Variants in IGSF22 observed in about 807,000 individuals in gnomAD.
The protein encoded by IGSF22 is immunoglobulin superfamily, member 22.
Under a neutral mutation model 127.0 loss-of-function variants are expected in IGSF22, and 119 were observed. That is an observed-to-expected ratio of 0.94 (90% CI 0.81 to 1.09). IGSF22 has a LOEUF of 1.09. Ranked by LOEUF, IGSF22 falls within the 50% of genes least tolerant of loss-of-function variation. The pLI, the probability that IGSF22 is intolerant of heterozygous loss-of-function variation, is 0.00. For synonymous variants in IGSF22, 568 were observed against 664.7 expected, an observed-to-expected ratio of 0.85 and a Z score of 2.24; for missense variants, 1,518 against 1,716.6, an observed-to-expected ratio of 0.88 and a Z score of 2.04.
At position 18,712,336 on chromosome 11, in the gene IGSF22, C is replaced by T; in HGVS notation, c.2144G>A (p.Gly715Asp). 1 of 1,551,680 alleles carries T rather than the reference C, an allele frequency of 6.4e-7. No homozygotes were observed. The highest frequency in any genetic ancestry group is 1.2e-5 in the South Asian group (1 of 84,062). The change falls in exon 15 of 23, where the codon GGT becomes GAT. Residue 715 changes from glycine to aspartate, a missense_variant. By Grantham distance (94) the Gly-to-Asp change is moderately conservative (BLOSUM62 -1). Around this residue, in one of 3 missense-constraint regions of IGSF22, gnomAD observed 1,456 missense variants for 1,644.9 expected, o/e 0.89. Transcript: ENST00000513874. ...QGRVEFLELS[G>D]SCVHMKWKAP... ...CTTCCACTTCATGTGCACACAACTA[C>T]CTGAGAGCTCCAGGAACTCCACCCG... is the stretch of plus-strand genomic sequence containing the variant.
At position 18,706,240 on chromosome 11, in the gene IGSF22, A is replaced by G. The variant is rs547966023; in HGVS notation, c.3581-94T>C. On this transcript the variant is annotated intron_variant, in intron 21 of 22. Transcript: ENST00000513874. ...GTTCAGCTTACACGGAACCCCGAGG[A>G]CCTAGGCCACATTCCCAGCGCCACC... The G allele has an allele frequency of 3.5e-5, 42 of 1,190,116 alleles. No individual in the cohort carries two copies. In the South Asian group the frequency reaches 6.6e-4, roughly 19 times the overall value. The allele number at this position is 1,190,116 out of a possible 1,614,324, so 73.7% of individuals were successfully genotyped here. A position where few individuals can be genotyped will look rare whatever the true frequency, so the allele number is the denominator to read the frequency against.
In IGSF22 at chr11:18,718,685, A is replaced by C. The variant is rs1156791072; in HGVS notation, c.740T>G (p.Val247Gly). ...GCAGTCAAAGACCACTGTGGTGTCAACCTTGGTCTCTTTGTCTTCCAGGGG... is the reference window on the plus strand; with the variant it reads ...GCAGTCAAAGACCACTGTGGTGTCACCCTTGGTCTCTTTGTCTTCCAGGGG... ...LKPLEDKETK[V>G]DTTVVFDCIM... Residue 247 changes from valine (V) to glycine (G), a missense_variant, in exon 8 of 23, where the codon GTT (valine) becomes GGT (glycine). This residue lies in a region of IGSF22 where 1,456 missense variants were observed against 1,644.9 expected (regional missense o/e 0.89). Transcript: ENST00000513874. The C allele has an allele frequency of 1.2e-6, 2 of 1,613,486 alleles. No homozygotes were observed. The highest frequency in any genetic ancestry group is 1.7e-6 in the Non-Finnish European group (2 of 1,179,560).
Position 18,704,535 on chromosome 11 carries a change from TTGTC to T in IGSF22, c.3911-1_3913del. 1 of 1,547,792 alleles carries T rather than the reference TTGTC, an allele frequency of 6.5e-7. No homozygotes were observed. The highest frequency in any genetic ancestry group is 8.7e-7 in the Non-Finnish European group (1 of 1,144,322). Reference sequence around the variant, plus strand: ...GGATGCTACAACTGACTTATCATCTTTGTCTGAAAGAGCAAAGGAAGTATTCGTT... The same window carrying T: ...GGATGCTACAACTGACTTATCATCTTTGAAAGAGCAAAGGAAGTATTCGTT... On this transcript the variant is annotated splice_acceptor_variant and coding_sequence_variant, in exon 23 of 23. Coordinates refer to ENST00000513874, the MANE Select transcript of IGSF22 (RefSeq NM_173588.4). LOFTEE classifies it high-confidence loss of function.
rs138340872 is a variant in IGSF22, at chr11:18,721,731, C to T, written c.242-60G>A. The T allele has an allele frequency of 6.9e-4, 1,111 of 1,605,912 alleles. 9 individuals are homozygous for T. Among genetic ancestry groups the T allele is most frequent in the African/African-American group, 6.4e-3 (482 of 74,896 alleles). The stretch of plus-strand genomic sequence containing the variant: ...GCCACCAGGCTAGAGCCTCTGCCAC[C>T]CTCTGCCGGCTCTCTGCCTCCTCCC... On this transcript the variant is annotated intron_variant, in intron 3 of 22. Transcript: ENST00000513874.
chr11:18,720,690 G>T (rs942354791), intron 4 of IGSF22, among the ~76,000 whole-genome samples: 1 of 152,194 alleles, frequency 6.6e-6, no homozygotes, highest in Non-Finnish European at 1.5e-5. Context: ...AGGCTGACTT[G>T]ATGCCCGTCT....
intron 1 of IGSF22, among the ~76,000 whole-genome samples, chr11:18,725,052 C>G (rs921935323): frequency 6.6e-6 from 1 of 151,670 alleles, no homozygotes; most frequent in East Asian, 1.9e-4. Flanking sequence ...ATTATACACA[C>G]TATTCTGACC....
intron 22 of IGSF22, 69 bp downstream of exon 22, chr11:18,705,748 C>T (rs1848212218): frequency 3.7e-6 from 5 of 1,367,588 alleles, no homozygotes; most frequent in Non-Finnish European, 4.9e-6. Context: ...AATAGTTGAC[C>T]AATGGCCCAC....
At chr11:18,706,267 A>AGTTGGTGG in intron 21 of IGSF22, 121 bp from the exon 22 acceptor site, 1 of 934,394 alleles carries the variant, frequency 1.1e-6, no homozygotes, top group Non-Finnish European at 1.6e-6. Flanking sequence ...AGCGCCACCA[A>AGTTGGTGG]CTCTGGGGGC....
Position 18,719,881 on chromosome 11 carries a change from A to T in IGSF22, c.531T>A (p.Ala177=). 1 of 1,614,116 alleles carries T rather than the reference A, an allele frequency of 6.2e-7. No homozygotes were observed. Among genetic ancestry groups the T allele is most frequent in the Non-Finnish European group, 8.5e-7 (1 of 1,180,008 alleles). The part of the protein sequence containing the change: ...KKMLKKRAPP[A]PKKKQKKVAN... ...CCACCTTCTTCTGCTTCTTCTTGGGAGCAGGGGGTGCCCTAGGAGAAGGAG... is the reference window on the plus strand; with the variant it reads ...CCACCTTCTTCTGCTTCTTCTTGGGTGCAGGGGGTGCCCTAGGAGAAGGAG... Residue 177 remains alanine (A), a synonymous_variant, in exon 7 of 23, where the codon GCT becomes GCA. Transcript: ENST00000513874.
In IGSF22 at chr11:18,717,972, G is replaced by T. The variant is rs368924692; in HGVS notation, c.932C>A (p.Ser311Tyr). 1.7e-5 allele frequency: 27 copies of T among 1,614,178 alleles called. No individual in the cohort carries two copies. The African/African-American group carries it at 2.9e-4, about 18-fold the overall frequency. ...NMNDAGIYSLSVGDKRMSAEL... is the reference protein window; with the variant it reads ...NMNDAGIYSLYVGDKRMSAEL... ...TGCACTCATCCGCTTATCGCCCACG[G>T]ACAGGCTGTAGATGCCAGCATCGTT... Residue 311 changes from serine (S) to tyrosine (Y), a missense_variant, in exon 9 of 23, where the codon TCC becomes TAC. Physicochemically the swap from Ser to Tyr is moderately radical, Grantham distance 144 (BLOSUM62 -2). Coordinates refer to ENST00000513874, the MANE Select transcript of IGSF22 (RefSeq NM_173588.4).
Position 18,706,917 on chromosome 11 carries a change from G to C in IGSF22, c.3577C>G (p.Gln1193Glu). 6.6e-7 allele frequency: 1 copy of C among 1,505,700 alleles called. No individual in the cohort carries two copies. The highest frequency in any genetic ancestry group is 8.9e-7 in the Non-Finnish European group (1 of 1,122,104). The allele number at this position is 1,505,700 out of a possible 1,614,324, so 93.3% of individuals were successfully genotyped here. Reference sequence around the variant, plus strand: ...TAACTGCAAGTCCCAGACTCACTCTGGTCCTTATTGATGAGCCAGGTGTCC... The same window carrying C: ...TAACTGCAAGTCCCAGACTCACTCTCGTCCTTATTGATGAGCCAGGTGTCC... ...SRDTWLINKD[Q>E]IQDLSAKLKP... The change falls in exon 21 of 23, where the codon CAG becomes GAG. Residue 1193 changes from glutamine to glutamate, a missense_variant. By Grantham distance (29) the Gln-to-Glu change is conservative. This residue lies in a region of IGSF22 where 1,456 missense variants were observed against 1,644.9 expected (regional missense o/e 0.89). Coordinates refer to ENST00000513874, the MANE Select transcript of IGSF22 (RefSeq NM_173588.4).
Position 18,717,988 on chromosome 11 carries a change from C to A in IGSF22, c.916G>T (p.Gly306Cys). 1 of 1,614,224 alleles carries A rather than the reference C, an allele frequency of 6.2e-7. No individual in the cohort carries two copies. The highest frequency in any genetic ancestry group is 8.5e-7 in the Non-Finnish European group (1 of 1,180,034). The change falls in exon 9 of 23, where the codon GGC becomes TGC. Residue 306 changes from glycine to cysteine, a missense_variant. By Grantham distance (159) the Gly-to-Cys change is radical. Coordinates refer to ENST00000513874, the MANE Select transcript of IGSF22 (RefSeq NM_173588.4). Reference protein sequence around the residue: ...VISNVNMNDAGIYSLSVGDKR... With the variant: ...VISNVNMNDACIYSLSVGDKR... ...TCGCCCACGGACAGGCTGTAGATGC[C>A]AGCATCGTTCATGTTCACGTTGCTA...
chr11:18,711,175 C>G (rs777866095), intron 15 of IGSF22, among the ~76,000 whole-genome samples: 3 of 152,160 alleles, frequency 2.0e-5, no homozygotes, highest in Non-Finnish European at 4.4e-5. Flanking sequence ...CAACTAGTGT[C>G]TGGGTCCTGC....
In IGSF22 at chr11:18,707,008, G is replaced by A; in HGVS notation, c.3486C>T (p.Gly1162=). Residue 1162 remains glycine (G), a synonymous_variant, in exon 21 of 23, where the codon GGC becomes GGT. Coordinates refer to ENST00000513874, the MANE Select transcript of IGSF22 (RefSeq NM_173588.4). ...NKYTVTGLLP[G]RKYYFRVVAR... ...CCACCACTCTGAAGTAGTACTTCCT[G>A]CCTGGGAGCAGCCCCGTCACTGTGT... 6.4e-7 allele frequency: 1 copy of A among 1,551,382 alleles called. No individual in the cohort carries two copies. Among genetic ancestry groups the A allele is most frequent in the South Asian group, 1.2e-5 (1 of 84,024 alleles).
At position 18,724,178 on chromosome 11, in the gene IGSF22, C is replaced by T. The variant is rs769295904; in HGVS notation, c.59G>A (p.Ser20Asn). Residue 20 changes from serine (S) to asparagine (N), a missense_variant, in exon 2 of 23, where the codon AGC becomes AAC. Ser to Asn is a conservative substitution (Grantham distance 46, BLOSUM62 1). This residue lies in a region of IGSF22 where 1,456 missense variants were observed against 1,644.9 expected (regional missense o/e 0.89). Coordinates refer to ENST00000513874, the MANE Select transcript of IGSF22 (RefSeq NM_173588.4). The part of the protein sequence containing the change: ...LQEHVSMEFS[S>N]STTHVQTFSQ... ...GAAGGTCTGCACGTGGGTGGTGGAG[C>T]TGGAGAACTCCATGGACACGTGCTC... The T allele has an allele frequency of 1.2e-6, 2 of 1,614,030 alleles. No homozygotes were observed. Among genetic ancestry groups the T allele is most frequent in the South Asian group, 2.2e-5 (2 of 91,044 alleles).
rs1848458158 is a variant in IGSF22 at position 18,716,066 on chromosome 11, C to A, written c.1247-350G>T. Among the ~76,000 whole-genome samples the A allele has an allele frequency of 6.6e-6, 1 of 152,166 alleles. No homozygotes were observed. Among genetic ancestry groups the A allele is most frequent in the Non-Finnish European group, 1.5e-5 (1 of 68,036 alleles). ...TCTAATGTCTGGACATTTATACATG[C>A]TATTACCTCTGCTGGGGATGTTCTC... On this transcript the variant is annotated intron_variant, in intron 10 of 22. Coordinates refer to ENST00000513874, the MANE Select transcript of IGSF22 (RefSeq NM_173588.4). The surrounding 1 kb of genome is among the most constrained non-coding windows in gnomAD (Gnocchi z 4.5).
rs762362968 is a variant in IGSF22, at chr11:18,710,847, G to A, written c.2399-19C>T. The A allele has an allele frequency of 1.9e-6, 3 of 1,602,498 alleles. No homozygotes were observed. The African/African-American group carries it at 4.0e-5, about 21-fold the overall frequency. ...GGAGGCTCTGTGGGGGAAAGAGAGA[G>A]TGCAAAGGTTAGGAGGGGGAGCATG... On this transcript the variant is annotated intron_variant, in intron 15 of 22. Transcript: ENST00000513874.
intron 14 of IGSF22, among the ~76,000 whole-genome samples, chr11:18,713,072 G>GTT (rs1262765735): frequency 6.6e-6 from 1 of 150,754 alleles, no homozygotes; most frequent in African/African-American, 2.4e-5. Context: ...ACCTCACCCT[G>GTT]TTTCACTTTC....
intron 16 of IGSF22, 48 bp downstream of exon 16, chr11:18,710,607 G>T (rs781192163): frequency 6.3e-7 from 1 of 1,590,238 alleles, no homozygotes; most frequent in South Asian, 1.1e-5. Context: ...GGTCCACTCA[G>T]CAAGACCTCC....
Sources: gnomAD v4.1 joint callset for allele counts (sites outside exome capture counted in the v4.1 genomes callset) on GRCh38, gnomAD v4.1.1 for gene constraint, gnomAD v4.1.1 regional missense constraint, Gnocchi (gnomAD v3.1) non-coding constraint, MANE v1.5 for transcripts, NCBI Gene and HGNC (gene_info 2026-07-23, HGNC 2026-07-21) for gene names.